The following USP6 variants were observed in gnomAD, a reference collection of about 807,000 sequenced individuals.
USP6 encodes ubiquitin carboxyl-terminal hydrolase 6.
In USP6, 128 loss-of-function variants were observed where a neutral mutation model predicts 175.7. The observed-to-expected ratio is 0.73, with a 90% CI of 0.63 to 0.84. The LOEUF is 0.84. USP6 is among the 40% of genes least tolerant of loss of function. The probability of loss-of-function intolerance (pLI) is 0.00; values close to 1 mark genes in which losing one functional copy is unlikely to be tolerated. For synonymous variants in USP6, 562 were observed against 630.6 expected, an observed-to-expected ratio of 0.89 and a Z score of 1.63; for missense variants, 1,498 against 1,760.3, an observed-to-expected ratio of 0.85 and a Z score of 2.67.
intron 35 of USP6, 34 bp downstream of exon 35, chr17:5,169,089 T>A: frequency 6.5e-7 from 1 of 1,542,164 alleles, no homozygotes; most frequent in East Asian, 2.3e-5. Context: ...GTTGCTTTCT[T>A]GGGACTCCTG....
chr17:5,134,278 G>A (rs1325180575), intron 15 of USP6: 32 of 416,822 alleles, frequency 7.7e-5, no homozygotes, highest in South Asian at 7.2e-4. Context: ...CCTGACCCAC[G>A]GAGACCCATG....
rs565798312 is a variant in USP6 at position 5,130,824 on chromosome 17, C to T, written c.155+140C>T. The stretch of plus-strand genomic sequence containing the variant: ...CCTCTTTTCCAGGGTCAGAACTCCT[C>T]CCTGGCTCCCCTGCAGGTCCAGCCC... On this transcript the variant is annotated intron_variant, in intron 11 of 37. Transcript: ENST00000574788. 4.1e-5 allele frequency: 50 copies of T among 1,206,912 alleles called. No homozygotes were observed. The East Asian group carries it at 1.2e-3, about 30-fold the overall frequency. 74.8% of individuals were successfully genotyped at this position (1,206,912 alleles called of 1,614,324 possible).
At chr17:5,171,426 G>A (rs1269695693) in intron 36 of USP6, among the ~76,000 whole-genome samples, 161 bp from the exon 37 acceptor site, 1 of 152,072 alleles carries the variant, frequency 6.6e-6, no homozygotes, top group Admixed American at 6.6e-5. Flanking sequence ...TTTGTATTTT[G>A]CTTTTTGCTT....
chr17:5,166,140 T>C (rs998612171), intron 33 of USP6, among the ~76,000 whole-genome samples: 1 of 152,156 alleles, frequency 6.6e-6, no homozygotes, highest in Non-Finnish European at 1.5e-5. Flanking sequence ...CACGTGTTTT[T>C]TCCTTGAGTG....
intron 21 of USP6, among the ~76,000 whole-genome samples, chr17:5,138,494 G>C (rs1434215367): frequency 6.6e-6 from 1 of 152,142 alleles, no homozygotes; most frequent in African/African-American, 2.4e-5. Flanking sequence ...AGAGGGATGT[G>C]GGCAAGACCC....
chr17:5,132,515 G>T lies in USP6; in HGVS notation c.195+80G>T, dbSNP rs1390456175. ...GGTCAGTGAGGCAGAGGAAGCAGCTGGCCTGGGCGGTGGCGGGTGAGGGCA... is the reference window on the plus strand; with the variant it reads ...GGTCAGTGAGGCAGAGGAAGCAGCTTGCCTGGGCGGTGGCGGGTGAGGGCA... On this transcript the variant is annotated intron_variant, in intron 12 of 37. Transcript: ENST00000574788. This position sits in a 1 kb window ranked among gnomAD's most constrained non-coding sequence, Gnocchi z 4.7. 1.2e-6 allele frequency: 2 copies of T among 1,610,676 alleles called. No individual in the cohort carries two copies. Among genetic ancestry groups the T allele is most frequent in the African/African-American group, 2.7e-5 (2 of 74,826 alleles).
rs768000321 is a variant in USP6 at position 5,138,224 on chromosome 17, G to A, written c.1029G>A (p.Arg343=). 1.2e-6 allele frequency: 2 copies of A among 1,613,988 alleles called. No individual in the cohort carries two copies. Among genetic ancestry groups the A allele is most frequent in the Admixed American group, 3.3e-5 (2 of 60,010 alleles). The change falls in exon 21 of 38, where the codon AGG becomes AGA. Residue 343 remains arginine, a synonymous_variant. Transcript: ENST00000574788. ...ATGACACCGTGCTCAAGCATCTTAGGGCCTCTACGAAGAAACTAACAAGGA... is the reference window on the plus strand; with the variant it reads ...ATGACACCGTGCTCAAGCATCTTAGAGCCTCTACGAAGAAACTAACAAGGA... ...MNDDTVLKHL[R]ASTKKLTRKQ...
intron 30 of USP6, among the ~76,000 whole-genome samples, chr17:5,153,516 C>A (rs2073818854): frequency 6.6e-6 from 1 of 152,116 alleles, no homozygotes; most frequent in African/African-American, 2.4e-5. Context: ...GAACTCCCGA[C>A]CTCAGGTGAT....
rs748457794 is a variant in USP6 at position 5,161,587 on chromosome 17, A to G, written c.2888A>G (p.Asn963Ser). ...FTLRVVQKDGNSCAWCPQYRF... is the reference protein window; with the variant it reads ...FTLRVVQKDGSSCAWCPQYRF... ...CTACGAGTTGTGCAGAAAGATGGGA[A>G]CTCCTGTGCTTGGTGCCCACAGTAT... Residue 963 changes from asparagine to serine, a missense_variant, in exon 32 of 38, where the codon AAC becomes AGC. Asn to Ser is a conservative substitution (Grantham distance 46, BLOSUM62 1). Around this residue, in one of 2 missense-constraint regions of USP6, gnomAD observed 1,217 missense variants for 1,500.8 expected, o/e 0.81. Coordinates refer to ENST00000574788, the MANE Select transcript of USP6 (RefSeq NM_001304284.2). 7 of 1,613,880 alleles carry G rather than the reference A, an allele frequency of 4.3e-6. No homozygotes were observed. Among genetic ancestry groups the G allele is most frequent in the South Asian group, 3.3e-5 (3 of 91,086 alleles).
intron 22 of USP6, among the ~76,000 whole-genome samples, chr17:5,140,286 C>T (rs532835656): frequency 6.6e-6 from 1 of 152,100 alleles, no homozygotes; most frequent in Non-Finnish European, 1.5e-5. Flanking sequence ...AAATTTAGGC[C>T]GGGTGTGGTG....
At chr17:5,133,225 C>T (rs996701220) in intron 13 of USP6, among the ~76,000 whole-genome samples, 5 of 152,018 alleles carry the variant, frequency 3.3e-5, no homozygotes, top group Non-Finnish European at 5.9e-5. Flanking sequence ...CTAGGGATGC[C>T]CTGGTGACCC....
In USP6 at chr17:5,138,142, G is replaced by T; in HGVS notation, c.947G>T (p.Arg316Met). 6.2e-7 allele frequency: 1 copy of T among 1,614,098 alleles called. No homozygotes were observed. Among genetic ancestry groups the T allele is most frequent in the Non-Finnish European group, 8.5e-7 (1 of 1,179,984 alleles). Reference protein sequence around the residue: ...VQQKRLMKTSRCGLWARLRNQ... With the variant: ...VQQKRLMKTSMCGLWARLRNQ... ...CTAGAGCGCCTCATGAAGACATCCA[G>T]GTGTGGCCTGTGGGCACGTCTGCGG... is the stretch of plus-strand genomic sequence containing the variant. Residue 316 changes from arginine to methionine, a missense_variant, in exon 21 of 38, where the codon AGG (arginine) becomes ATG (methionine). Arg to Met is a moderately conservative substitution (Grantham distance 91, BLOSUM62 -1). Around this residue, in one of 2 missense-constraint regions of USP6, gnomAD observed 1,217 missense variants for 1,500.8 expected, o/e 0.81. Transcript: ENST00000574788.
chr17:5,161,624 C>T lies in USP6; in HGVS notation c.2915+10C>T, dbSNP rs764022757. On this transcript the variant is annotated intron_variant, in intron 32 of 37. Coordinates refer to ENST00000574788, the MANE Select transcript of USP6 (RefSeq NM_001304284.2). Reference sequence around the variant, plus strand: ...GGTGCCCACAGTATAGGTAAAGTGACCTGCAAAAGAATTACTTTAGTAGAA... The same window carrying T: ...GGTGCCCACAGTATAGGTAAAGTGATCTGCAAAAGAATTACTTTAGTAGAA... 2 of 1,612,270 alleles carry T rather than the reference C, an allele frequency of 1.2e-6. No homozygotes were observed. Among genetic ancestry groups the T allele is most frequent in the Non-Finnish European group, 1.7e-6 (2 of 1,178,748 alleles).
Position 5,130,669 on chromosome 17 carries a change from G to C in USP6, c.140G>C (p.Arg47Pro), listed in dbSNP as rs780309694. 4 of 1,613,866 alleles carry C rather than the reference G, an allele frequency of 2.5e-6. No homozygotes were observed. The highest frequency in any genetic ancestry group is 3.3e-5 in the Admixed American group (2 of 59,998). The change falls in exon 11 of 38, where the codon CGT becomes CCT. Residue 47 changes from arginine (R) to proline (P), a missense_variant. Arg to Pro is a moderately radical substitution (Grantham distance 103). Around this residue, in one of 2 missense-constraint regions of USP6, gnomAD observed 281 missense variants for 259.6 expected, o/e 1.08. Coordinates refer to ENST00000574788, the MANE Select transcript of USP6 (RefSeq NM_001304284.2). Reference protein sequence around the residue: ...EPVGINSSIDRFGILHETELP... With the variant: ...EPVGINSSIDPFGILHETELP... The stretch of plus-strand genomic sequence containing the variant: ...GTTGGAATCAACAGCAGCATTGATC[G>C]TTTTGGCATTTTGCAGTGAGTCATC...
chr17:5,158,608 AGAGGGG>A (rs2073937894), intron 31 of USP6, among the ~76,000 whole-genome samples: 2 of 108,702 alleles, frequency 1.8e-5, no homozygotes, highest in African/African-American at 7.8e-5. Flanking sequence ...AGAGAGAGGG[AGAGGGG>A]GAGAGAGAGA....
In USP6 at chr17:5,172,880, C is replaced by T. The variant is rs1229669255; in HGVS notation, c.4123C>T (p.Gln1375Ter). 1 of 1,613,958 alleles carries T rather than the reference C, an allele frequency of 6.2e-7. No homozygotes were observed. Among genetic ancestry groups the T allele is most frequent in the Non-Finnish European group, 8.5e-7 (1 of 1,179,874 alleles). Reference protein sequence around the residue: ...FYEQQGIDYAQFLPKIDGKKM... With the variant: ...FYEQQGIDYA ...TGAGCAGCAGGGGATAGACTACGCACAATTTCTGCCAAAGATTGATGGCAA... is the reference window on the plus strand; with the variant it reads ...TGAGCAGCAGGGGATAGACTACGCATAATTTCTGCCAAAGATTGATGGCAA... Residue 1375 changes from glutamine to a stop codon, truncating the protein, a stop_gained, in exon 38 of 38, where the codon CAA becomes TAA. Transcript: ENST00000574788. LOFTEE classifies it high-confidence loss of function.
chr17:5,117,412 A>G, intron 1 of USP6, among the ~76,000 whole-genome samples: 1 of 151,548 alleles, frequency 6.6e-6, no homozygotes, highest in South Asian at 2.1e-4. Flanking sequence ...GCTACTCAGG[A>G]GGCTGAGGCA....
chr17:5,134,005 A>G lies in USP6; in HGVS notation c.494+9A>G, dbSNP rs764256511. On this transcript the variant is annotated intron_variant, in intron 15 of 37. Coordinates refer to ENST00000574788, the MANE Select transcript of USP6 (RefSeq NM_001304284.2). ...GATCGATATGGAGCCAAGTAAGCCT[A>G]CGGGAGCCACACAGTCCCAGCAGAG... 8.7e-6 allele frequency: 14 copies of G among 1,612,796 alleles called. No homozygotes were observed. Among genetic ancestry groups the G allele is most frequent in the Non-Finnish European group, 1.2e-5 (14 of 1,179,002 alleles).
intron 31 of USP6, among the ~76,000 whole-genome samples, chr17:5,159,997 G>C (rs1229898226): frequency 6.6e-6 from 1 of 151,874 alleles, no homozygotes; most frequent in Non-Finnish European, 1.5e-5. Flanking sequence ...AAAGTCTGCA[G>C]GGGGAGCAGG....
Sources: allele counts gnomAD v4.1 joint callset (sites outside exome capture counted in the v4.1 genomes callset), GRCh38; gene constraint gnomAD v4.1.1; regional missense constraint gnomAD v4.1.1; non-coding constraint Gnocchi (gnomAD v3.1); transcripts MANE v1.5; gene names NCBI Gene and HGNC (gene_info 2026-07-23, HGNC 2026-07-21).